PAX9: variants seen among roughly 807,000 people sequenced by gnomAD.
PAX9 encodes paired box 9.
PAX9 carries 6 observed loss-of-function variants against 29.1 expected under a neutral mutation model. The ratio of observed to expected loss-of-function variants is 0.21; its 90% CI spans 0.11 to 0.41. The LOEUF (loss-of-function observed/expected upper bound fraction) is 0.41, where lower values mean the gene tolerates loss of function less well. PAX9 is among the 10% of genes least tolerant of loss of function. The probability of loss-of-function intolerance (pLI) is 1.00; values close to 1 mark genes in which losing one functional copy is unlikely to be tolerated. For synonymous variants in PAX9, 217 were observed against 211.7 expected, an observed-to-expected ratio of 1.03 and a Z score of -0.22; for missense variants, 443 against 479.1, an observed-to-expected ratio of 0.92 and a Z score of 0.70.
chr14:36,679,235 G>A lies in PAX9; in HGVS notation c.*2783G>A. 1 of 984,154 alleles carries A rather than the reference G, an allele frequency of 1.0e-6. No individual in the cohort carries two copies. The highest frequency in any genetic ancestry group is 1.2e-6 in the Non-Finnish European group (1 of 828,928). 61.0% of individuals were successfully genotyped at this position (984,154 alleles called of 1,614,324 possible). ...TGACCCTTTTATTGAATATTGGACT[G>A]AAATATAAATTTTAAAAAACACGTT... On this transcript the variant is annotated 3_prime_UTR_variant, in exon 4 of 4. Transcript: ENST00000361487.
chr14:36,676,556 T>C lies in PAX9; in HGVS notation c.*104T>C, dbSNP rs980790916. ...CCCACCCCTCCTGCCCTCCAACCCT[T>C]CTGCCTTGAAAGCTGGCTGTACGGA... On this transcript the variant is annotated 3_prime_UTR_variant, in exon 4 of 4. Coordinates refer to ENST00000361487, the MANE Select transcript of PAX9 (RefSeq NM_001372076.1). 3 of 1,354,214 alleles carry C rather than the reference T, an allele frequency of 2.2e-6. No individual in the cohort carries two copies. In the African/African-American group the frequency reaches 4.3e-5, roughly 19 times the overall value. 83.9% of individuals were successfully genotyped at this position (1,354,214 alleles called of 1,614,324 possible). A position where few individuals can be genotyped will look rare whatever the true frequency, so the allele number is the denominator to read the frequency against.
chr14:36,660,182 G>C (rs1236997292), upstream of PAX9, among the ~76,000 whole-genome samples: 2 of 152,164 alleles, frequency 1.3e-5, no homozygotes, highest in Non-Finnish European at 2.9e-5. Context: ...CCTTAAGAAG[G>C]AGCTGCTGCT....
chr14:36,666,690 T>G (rs1566471702), intron 3 of PAX9, 89 bp downstream of exon 3: 2 of 1,486,664 alleles, frequency 1.3e-6, no homozygotes, highest in South Asian at 1.2e-5. Flanking sequence ...TTTCTGAGCT[T>G]CCCGCGAGAG....
Position 36,679,142 on chromosome 14 carries a change from T to C in PAX9, c.*2690T>C, listed in dbSNP as rs1251945554. Reference sequence around the variant, plus strand: ...GATGTAAGAATATTACCTGCAAGGATAGAATGCAGTTGTGCAACAGAGACA... The same window carrying C: ...GATGTAAGAATATTACCTGCAAGGACAGAATGCAGTTGTGCAACAGAGACA... On this transcript the variant is annotated 3_prime_UTR_variant, in exon 4 of 4. Transcript: ENST00000361487. 21 of 985,318 alleles carry C rather than the reference T, an allele frequency of 2.1e-5. No homozygotes were observed. The highest frequency in any genetic ancestry group is 2.4e-5 in the Non-Finnish European group (20 of 829,936). The allele number at this position is 985,318 out of a possible 1,614,324, so 61.0% of individuals were successfully genotyped here.
At chr14:36,663,803 C>G (rs966238880) in intron 2 of PAX9, among the ~76,000 whole-genome samples, 1 of 152,238 alleles carries the variant, frequency 6.6e-6, no homozygotes, top group East Asian at 1.9e-4. Flanking sequence ...TCCACCCTCC[C>G]CCGCCTCTCG....
At position 36,664,959 on chromosome 14, in the gene PAX9, C is replaced by T. The variant is rs906848454; in HGVS notation, c.631+1436C>T. ...TGACCTCACTGACATTTAAAGGAAGCCCCTGTTCATGGGAAAGTGTGAGAT... is the reference window on the plus strand; with the variant it reads ...TGACCTCACTGACATTTAAAGGAAGTCCCTGTTCATGGGAAAGTGTGAGAT... On this transcript the variant is annotated intron_variant, in intron 2 of 3. Transcript: ENST00000361487. Among the ~76,000 whole-genome samples the T allele has an allele frequency of 7.2e-5, 11 of 152,148 alleles. No homozygotes were observed. In the East Asian group the frequency reaches 2.1e-3, roughly 29 times the overall value.
At chr14:36,675,169 A>G (rs1431155669) in intron 3 of PAX9, among the ~76,000 whole-genome samples, 1 of 152,140 alleles carries the variant, frequency 6.6e-6, no homozygotes, top group Non-Finnish European at 1.5e-5. Flanking sequence ...TCATGTAACT[A>G]TCAGGACACA....
At chr14:36,661,489 G>T (rs1212217167), upstream of PAX9, among the ~76,000 whole-genome samples, 1 of 152,250 alleles carries the variant, frequency 6.6e-6, no homozygotes, top group Non-Finnish European at 1.5e-5. Context: ...GCACGGTGGC[G>T]CCCGCCTCCC....
At position 36,679,341 on chromosome 14, in the gene PAX9, A is replaced by AATT; in HGVS notation, c.*2891_*2893dup. On this transcript the variant is annotated 3_prime_UTR_variant, in exon 4 of 4. Transcript: ENST00000361487. ...TTATTTTTATACTTCAAATGCTCTA[A>AATT]ATTAATAAAAAGTAATAATTACCAT... is the stretch of plus-strand genomic sequence containing the variant. The AATT allele has an allele frequency of 1.0e-6, 1 of 970,120 alleles. No homozygotes were observed. The highest frequency in any genetic ancestry group is 1.2e-6 in the Non-Finnish European group (1 of 816,118). The allele number at this position is 970,120 out of a possible 1,614,324, so 60.1% of individuals were successfully genotyped here. A position where few individuals can be genotyped will look rare whatever the true frequency, so the allele number is the denominator to read the frequency against.
chr14:36,666,629 G>C, intron 3 of PAX9, 28 bp downstream of exon 3: 1 of 1,555,110 alleles, frequency 6.4e-7, no homozygotes, highest in South Asian at 1.2e-5. Flanking sequence ...AGGCCAGGTG[G>C]GCCGCGTGGC....
At position 36,679,225 on chromosome 14, in the gene PAX9, A is replaced by G; in HGVS notation, c.*2773A>G. 3.0e-6 allele frequency: 3 copies of G among 984,534 alleles called. No homozygotes were observed. Among genetic ancestry groups the G allele is most frequent in the East Asian group, 1.1e-4 (1 of 8,812 alleles). The allele number at this position is 984,534 out of a possible 1,614,324, so 61.0% of individuals were successfully genotyped here. A position where few individuals can be genotyped will look rare whatever the true frequency, so the allele number is the denominator to read the frequency against. On this transcript the variant is annotated 3_prime_UTR_variant, in exon 4 of 4. Transcript: ENST00000361487. ...TTGTTTTTAATGACCCTTTTATTGAATATTGGACTGAAATATAAATTTTAA... is the reference window on the plus strand; with the variant it reads ...TTGTTTTTAATGACCCTTTTATTGAGTATTGGACTGAAATATAAATTTTAA...
upstream of PAX9, chr14:36,658,655 C>CGGGTACA (rs1315882900): frequency 1.3e-5 from 2 of 151,566 alleles, no homozygotes; most frequent in Non-Finnish European, 2.9e-5. Context: ...CGGCAGCCCT[C>CGGGTACA]GGGTACAGTC....
At position 36,676,283 on chromosome 14, in the gene PAX9, A is replaced by C. The variant is rs1291792613; in HGVS notation, c.857A>C (p.Tyr286Ser). The C allele has an allele frequency of 6.2e-7, 1 of 1,614,240 alleles. No homozygotes were observed. Among genetic ancestry groups the C allele is most frequent in the South Asian group, 1.1e-5 (1 of 91,090 alleles). The change falls in exon 4 of 4, where the codon TAC becomes TCC. Residue 286 changes from tyrosine (Y) to serine (S), a missense_variant. This residue lies in a region of PAX9 where 336 missense variants were observed against 317.2 expected (regional missense o/e 1.06). Coordinates refer to ENST00000361487, the MANE Select transcript of PAX9 (RefSeq NM_001372076.1). ...CCTACCCCAGCCCAAGTGTCGCCTT[A>C]CATGACCTACAGTGCTGCTCCTTCT... ...PYPTPAQVSPYMTYSAAPSGY... is the reference protein window; with the variant it reads ...PYPTPAQVSPSMTYSAAPSGY...
At chr14:36,672,934 C>G (rs540196155) in intron 3 of PAX9, among the ~76,000 whole-genome samples, 1 of 123,412 alleles carries the variant, frequency 8.1e-6, no homozygotes, top group Non-Finnish European at 1.6e-5. Context: ...GATGCGATCT[C>G]GGCTCACTGC....
At chr14:36,663,649 C>T (rs920935932) in intron 2 of PAX9, 126 bp downstream of exon 2, 4 of 1,223,170 alleles carry the variant, frequency 3.3e-6, no homozygotes, top group African/African-American at 1.5e-5. Context: ...CCTTTGGAAA[C>T]GTAAGGAGTC....
chr14:36,664,132 A>G (rs1881399820), intron 2 of PAX9, among the ~76,000 whole-genome samples: 1 of 152,176 alleles, frequency 6.6e-6, no homozygotes, highest in South Asian at 2.1e-4. Context: ...CGAAGTTACT[A>G]CTAGTAACTT....
chr14:36,668,899 ATAATT>A (rs1881605329), intron 3 of PAX9, among the ~76,000 whole-genome samples: 1 of 152,184 alleles, frequency 6.6e-6, no homozygotes, highest in East Asian at 1.9e-4. Context: ...ATAAAAGAAT[ATAATT>A]TAAAGAAATA....
At position 36,679,234 on chromosome 14, in the gene PAX9, T is replaced by C; in HGVS notation, c.*2782T>C. On this transcript the variant is annotated 3_prime_UTR_variant, in exon 4 of 4. Coordinates refer to ENST00000361487, the MANE Select transcript of PAX9 (RefSeq NM_001372076.1). ...ATGACCCTTTTATTGAATATTGGAC[T>C]GAAATATAAATTTTAAAAAACACGT... is the stretch of plus-strand genomic sequence containing the variant. The C allele has an allele frequency of 4.1e-6, 4 of 984,416 alleles. No individual in the cohort carries two copies. The highest frequency in any genetic ancestry group is 4.7e-5 in the South Asian group (1 of 21,252). The allele number at this position is 984,416 out of a possible 1,614,324, so 61.0% of individuals were successfully genotyped here.
chr14:36,670,958 G>C, intron 3 of PAX9: 1 of 324,212 alleles, frequency 3.1e-6, no homozygotes, highest in Non-Finnish European at 6.0e-6. Flanking sequence ...TGTCAGGTAT[G>C]TTTTACTAGG....
Sources: allele counts gnomAD v4.1 joint callset (sites outside exome capture counted in the v4.1 genomes callset), GRCh38; gene constraint gnomAD v4.1.1; regional missense constraint gnomAD v4.1.1; transcripts MANE v1.5; gene names NCBI Gene and HGNC (gene_info 2026-07-23, HGNC 2026-07-21).